EML1: variants seen among roughly 807,000 people sequenced by gnomAD.
The protein encoded by EML1 is echinoderm microtubule-associated protein-like 1.
A neutral mutation model predicts 110.4 loss-of-function variants in EML1; 27 were observed. The ratio of observed to expected loss-of-function variants is 0.24; its 90% CI spans 0.18 to 0.34. The LOEUF is 0.34. Among genes scored for constraint, EML1 ranks in the 10% least tolerant of loss-of-function variants. The pLI, the probability that EML1 is intolerant of heterozygous loss-of-function variation, is 1.00. For missense variants in EML1, 741 were observed against 1,030.9 expected (o/e 0.72, Z 3.85); for synonymous variants, 344 against 385.8 (o/e 0.89, Z 1.27).
intron 17 of EML1, among the ~76,000 whole-genome samples, chr14:99,934,686 C>G (rs539366240): frequency 8.5e-5 from 13 of 152,340 alleles, no homozygotes; most frequent in African/African-American, 2.9e-4. Context: ...CCCCTGCTAC[C>G]CTGCATTCTA....
chr14:99,874,594 T>A (rs1356518483), intron 3 of EML1, among the ~76,000 whole-genome samples: 1 of 152,238 alleles, frequency 6.6e-6, no homozygotes, highest in Non-Finnish European at 1.5e-5. Context: ...GTCTTTAAGC[T>A]TTATTTTCTG....
rs188142628 is a variant in EML1 at position 99,858,444 on chromosome 14, C to T, written c.251-7070C>T. Among the ~76,000 whole-genome samples the T allele has an allele frequency of 5.5e-4, 83 of 152,240 alleles. 2 individuals are homozygous for T. Among genetic ancestry groups the T allele is most frequent in the Non-Finnish European group, 5.9e-5 (4 of 68,000 alleles). On this transcript the variant is annotated intron_variant, in intron 2 of 21. Transcript: ENST00000262233. Reference sequence around the variant, plus strand: ...AGGTGATTCACCCACCTCGGCCTCCCAAAGTGCTAGGATTACAGGCGTGAG... The same window carrying T: ...AGGTGATTCACCCACCTCGGCCTCCTAAAGTGCTAGGATTACAGGCGTGAG...
intron 1 of EML1, among the ~76,000 whole-genome samples, chr14:99,798,676 G>T (rs1245818108): frequency 1.3e-5 from 2 of 152,156 alleles, no homozygotes; most frequent in Non-Finnish European, 2.9e-5. Context: ...ATAGGCATGA[G>T]CCACTGTACC....
At chr14:99,802,431 G>A (rs2057898042) in intron 1 of EML1, among the ~76,000 whole-genome samples, 1 of 152,052 alleles carries the variant, frequency 6.6e-6, no homozygotes, top group Non-Finnish European at 1.5e-5. Context: ...GGTGGAGGTA[G>A]GAGGGTAGAG....
At chr14:99,796,932 T>A (rs1180087174) in intron 1 of EML1, among the ~76,000 whole-genome samples, 17 of 128,864 alleles carry the variant, frequency 1.3e-4, no homozygotes, top group South Asian at 8.3e-4. Context: ...TGTGTGTGTG[T>A]GTGTGAGAGA....
At chr14:99,903,784 C>CTTTTTT (rs202121563) in intron 9 of EML1, among the ~76,000 whole-genome samples, 2 of 141,612 alleles carry the variant, frequency 1.4e-5, no homozygotes. Context: ...TAAATCTATT[C>CTTTTTT]ATTTTTTTTT....
chr14:99,937,339 G>T (rs182731531), intron 19 of EML1, among the ~76,000 whole-genome samples: 1 of 152,172 alleles, frequency 6.6e-6, no homozygotes, highest in Non-Finnish European at 1.5e-5. Flanking sequence ...ATGTGGTCTC[G>T]TACTCTGCTG....
chr14:99,887,669 C>A (rs540061755), intron 4 of EML1, among the ~76,000 whole-genome samples: 1 of 152,128 alleles, frequency 6.6e-6, no homozygotes, highest in South Asian at 2.1e-4. Flanking sequence ...CCTTGAGAAG[C>A]GATCATCTCC....
intron 1 of EML1, among the ~76,000 whole-genome samples, chr14:99,823,410 A>G (rs536636844): frequency 2.0e-5 from 3 of 152,048 alleles, no homozygotes; most frequent in Non-Finnish European, 4.4e-5. Context: ...CACCAGGCTT[A>G]GTGTGATGAG....
At chr14:99,808,236 T>G (rs1018155824) in intron 1 of EML1, among the ~76,000 whole-genome samples, 11 of 152,220 alleles carry the variant, frequency 7.2e-5, no homozygotes, top group Admixed American at 6.5e-4. Context: ...TCTTTTTCTT[T>G]CGTTTGCTTC....
intron 1 of EML1, among the ~76,000 whole-genome samples, chr14:99,776,556 G>A (rs993837305): frequency 4.6e-5 from 7 of 151,810 alleles, no homozygotes; most frequent in Non-Finnish European, 7.4e-5. Flanking sequence ...TCCCTATGAT[G>A]TACAGCCGAA....
chr14:99,816,190 G>T (rs146960684), intron 1 of EML1, among the ~76,000 whole-genome samples: 52 of 152,302 alleles, frequency 3.4e-4, no homozygotes, highest in Admixed American at 3.3e-3. Flanking sequence ...TTTAGACGGA[G>T]TCTCACTCTG....
intron 1 of EML1, among the ~76,000 whole-genome samples, chr14:99,766,861 G>A (rs901358135): frequency 6.6e-5 from 10 of 152,140 alleles, no homozygotes; most frequent in African/African-American, 2.4e-4. Context: ...TGCATGGAGA[G>A]AGAGGGTCGG....
intron 6 of EML1, 114 bp downstream of exon 6, chr14:99,894,872 T>C: frequency 1.5e-6 from 2 of 1,315,184 alleles, no homozygotes; most frequent in Non-Finnish European, 1.0e-6. Flanking sequence ...AAAAACAAAA[T>C]GTTTTACTGT....
At position 99,937,858 on chromosome 14, in the gene EML1, A is replaced by G. The variant is rs1193399520; in HGVS notation, c.2137A>G (p.Thr713Ala). Residue 713 changes from threonine (T) to alanine (A), a missense_variant, in exon 20 of 22, where the codon ACA (threonine) becomes GCA (alanine). Transcript: ENST00000262233. ...TAAGCAAGTCGTAAGTGTGGAAACT[A>G]CAAGAGACATTGAATGGGCTACCTA... ...ACKQVVSVET[T>A]RDIEWATYTC... 2 of 1,614,176 alleles carry G rather than the reference A, an allele frequency of 1.2e-6. No individual in the cohort carries two copies. Among genetic ancestry groups the G allele is most frequent in the South Asian group, 1.1e-5 (1 of 91,078 alleles).
intron 12 of EML1, among the ~76,000 whole-genome samples, chr14:99,910,545 A>ACAGCATT (rs2059929862): frequency 6.6e-6 from 1 of 152,238 alleles, no homozygotes; most frequent in Non-Finnish European, 1.5e-5. Context: ...AGTAAGAGTT[A>ACAGCATT]CTGACCTTAC....
chr14:99,789,428 C>T (rs1482045164), upstream of EML1, among the ~76,000 whole-genome samples: 4 of 152,134 alleles, frequency 2.6e-5, no homozygotes, highest in Non-Finnish European at 4.4e-5. Flanking sequence ...AGGCTGGTTT[C>T]GAACTCCTGA....
chr14:99,759,362 C>T (rs2057289745), intron 1 of EML1, among the ~76,000 whole-genome samples: 1 of 152,234 alleles, frequency 6.6e-6, no homozygotes, highest in Non-Finnish European at 1.5e-5. Context: ...AGCTGCTTCT[C>T]CCTCATGGGG....
At chr14:99,833,098 T>C (rs940172588) in intron 1 of EML1, among the ~76,000 whole-genome samples, 4 of 152,214 alleles carry the variant, frequency 2.6e-5, no homozygotes, top group African/African-American at 9.6e-5. Flanking sequence ...GTTATAAAGA[T>C]TTCCTCCTCA....
Sources: allele counts gnomAD v4.1 joint callset (sites outside exome capture counted in the v4.1 genomes callset), GRCh38; gene constraint gnomAD v4.1.1; transcripts MANE v1.5; gene names NCBI Gene and HGNC (gene_info 2026-07-23, HGNC 2026-07-21).